The following LRP3 variants were observed in gnomAD, a reference collection of about 807,000 sequenced individuals.
LRP3 encodes low-density lipoprotein receptor-related protein 3.
A neutral mutation model predicts 58.5 loss-of-function variants in LRP3; 49 were observed. That is an observed-to-expected ratio of 0.84 (90% confidence interval 0.67 to 1.06). The LOEUF (loss-of-function observed/expected upper bound fraction) is 1.06, where lower values mean the gene tolerates loss of function less well. Among genes scored for constraint, LRP3 ranks in the 50% least tolerant of loss-of-function variants. LRP3 has a pLI of 0.00. For missense variants in LRP3, 1,019 were observed against 1,134.2 expected, an observed-to-expected ratio of 0.90 and a Z score of 1.46; for synonymous variants, 485 against 492.2, an observed-to-expected ratio of 0.99 and a Z score of 0.20.
At chr19:33,203,078 C>A in intron 3 of LRP3, 92 bp downstream of exon 3, 2 of 1,443,110 alleles carry the variant, frequency 1.4e-6, no homozygotes, top group Non-Finnish European at 1.9e-6. Context: ...GTGTGGAGGG[C>A]ACACGCCTGA....
chr19:33,204,080 T>C (rs998367218), intron 3 of LRP3: 5 of 158,686 alleles, frequency 3.2e-5, no homozygotes, highest in African/African-American at 9.6e-5. Flanking sequence ...GGGTCTATCC[T>C]AGTCTCTGTG....
intron 2 of LRP3, among the ~76,000 whole-genome samples, chr19:33,198,109 A>T (rs950542701): frequency 1.3e-5 from 2 of 152,132 alleles, no homozygotes; most frequent in African/African-American, 2.4e-5. Flanking sequence ...GGAAGGGGGA[A>T]TGAGGGTGTC....
chr19:33,195,754 C>T (rs1157327389), intron 1 of LRP3, among the ~76,000 whole-genome samples: 1 of 152,200 alleles, frequency 6.6e-6, no homozygotes, highest in Non-Finnish European at 1.5e-5. Flanking sequence ...CATTGGGGAG[C>T]ATTGAGGGTG....
intron 5 of LRP3, 92 bp downstream of exon 5, chr19:33,206,454 A>C: frequency 6.3e-7 from 1 of 1,594,846 alleles, no homozygotes; most frequent in Non-Finnish European, 8.5e-7. Flanking sequence ...GGGGGCCTGG[A>C]CTAGCTACAT....
chr19:33,208,785 TTTTC>T lies in LRP3; in HGVS notation c.*1214_*1217del. The T allele has an allele frequency of 6.6e-7, 1 of 1,504,506 alleles. No individual in the cohort carries two copies. 93.2% of individuals were successfully genotyped at this position (1,504,506 alleles called of 1,614,324 possible). On this transcript the variant is annotated 3_prime_UTR_variant, in exon 7 of 7. Coordinates refer to ENST00000253193, the MANE Select transcript of LRP3 (RefSeq NM_002333.4). The surrounding 1 kb of genome is among the most constrained non-coding windows in gnomAD (Gnocchi z 4.7). ...AACAGGCTTCTGAGAGTCGTATCTT[TTTTC>T]TTTTTTTTCCAGAAAAAAACAAAAC...
rs377745474 is a variant in LRP3 at position 33,206,065 on chromosome 19, C to T, written c.1295C>T (p.Thr432Met). The T allele has an allele frequency of 2.1e-4, 330 of 1,605,138 alleles. No individual in the cohort carries two copies. In the Middle Eastern group the frequency reaches 3.1e-3, roughly 15 times the overall value. The part of the protein sequence containing the change: ...PCEGGSGLCY[T>M]PADRCNNQKS... Reference sequence around the variant, plus strand: ...GAGGGTGGCAGTGGTCTGTGCTACACGCCTGCCGACCGCTGCAACAACCAG... The same window carrying T: ...GAGGGTGGCAGTGGTCTGTGCTACATGCCTGCCGACCGCTGCAACAACCAG... The change falls in exon 5 of 7, where the codon ACG (threonine) becomes ATG (methionine). Residue 432 changes from threonine (T) to methionine (M), a missense_variant. Transcript: ENST00000253193.
chr19:33,203,091 G>A, intron 3 of LRP3, 105 bp downstream of exon 3: 3 of 1,330,752 alleles, frequency 2.3e-6, no homozygotes, highest in Non-Finnish European at 3.1e-6. Context: ...ACGCCTGAGG[G>A]TGTACATGTG....
chr19:33,202,812 GAT>G, intron 2 of LRP3, 34 bp from the exon 3 acceptor site: 2 of 1,572,538 alleles, frequency 1.3e-6, no homozygotes, highest in Non-Finnish European at 1.7e-6. Flanking sequence ...CCCAACCAAA[GAT>G]GGGCCGGCCT....
rs558239512 is a variant in LRP3, at chr19:33,205,410, G to A, written c.640G>A (p.Gly214Arg). 2.3e-5 allele frequency: 36 copies of A among 1,592,344 alleles called. No homozygotes were observed. The highest frequency in any genetic ancestry group is 2.4e-5 in the Non-Finnish European group (28 of 1,168,828). Residue 214 changes from glycine (G) to arginine (R), a missense_variant, in exon 5 of 7, where the codon GGG becomes AGG. By Grantham distance (125) the Gly-to-Arg change is moderately radical. This residue lies in a region of LRP3 where 592 missense variants were observed against 725.5 expected (regional missense o/e 0.82). Transcript: ENST00000253193. ...ASEPPGSLCPGGTFPCSGARS... is the reference protein window; with the variant it reads ...ASEPPGSLCPRGTFPCSGARS... Reference sequence around the variant, plus strand: ...CGAGCCTCCAGGCAGCCTGTGCCCCGGGGGGACCTTCCCATGCAGCGGGGC... The same window carrying A: ...CGAGCCTCCAGGCAGCCTGTGCCCCAGGGGGACCTTCCCATGCAGCGGGGC...
chr19:33,197,714 G>A (rs546266015), intron 2 of LRP3, among the ~76,000 whole-genome samples: 10 of 152,290 alleles, frequency 6.6e-5, no homozygotes, highest in Admixed American at 1.3e-4. Context: ...TGCTCTGCTC[G>A]GTGGGGCAGG....
chr19:33,197,053 G>A (rs182678943), intron 2 of LRP3, among the ~76,000 whole-genome samples: 1 of 152,276 alleles, frequency 6.6e-6, no homozygotes, highest in East Asian at 1.9e-4. Flanking sequence ...TGCCTGGCAC[G>A]TGGTGGCTTT....
chr19:33,202,328 T>C (rs1270578977), intron 2 of LRP3, among the ~76,000 whole-genome samples: 1 of 152,194 alleles, frequency 6.6e-6, no homozygotes, highest in Non-Finnish European at 1.5e-5. Flanking sequence ...ATGAGTTCCA[T>C]AGAGCAGGCC....
Position 33,207,514 on chromosome 19 carries a change from C to T in LRP3, c.2252C>T (p.Pro751Leu), listed in dbSNP as rs562721344. 1 of 1,604,674 alleles carries T rather than the reference C, an allele frequency of 6.2e-7. No homozygotes were observed. Among genetic ancestry groups the T allele is most frequent in the Non-Finnish European group, 8.5e-7 (1 of 1,178,836 alleles). ...GAGCCACTGGGGGTCTGCAGGAACCCCCCGCCCCCCTGCTCCCCAATGCTG... is the reference window on the plus strand; with the variant it reads ...GAGCCACTGGGGGTCTGCAGGAACCTCCCGCCCCCCTGCTCCCCAATGCTG... The part of the protein sequence containing the change: ...SPEPLGVCRN[P>L]PPPCSPMLEA... Residue 751 changes from proline (P) to leucine (L), a missense_variant, in exon 7 of 7, where the codon CCC becomes CTC. Transcript: ENST00000253193.
intron 2 of LRP3, among the ~76,000 whole-genome samples, chr19:33,197,674 A>G (rs1599932195): frequency 2.0e-5 from 3 of 152,198 alleles, no homozygotes; most frequent in East Asian, 1.9e-4. Context: ...CGGGAGAACA[A>G]TGGGGGCCTC....
At chr19:33,200,519 C>T (rs1342852152) in intron 2 of LRP3, among the ~76,000 whole-genome samples, 1 of 152,224 alleles carries the variant, frequency 6.6e-6, no homozygotes, top group East Asian at 1.9e-4. Context: ...GTGTGAGCCA[C>T]TGCACCCGGT....
In LRP3 at chr19:33,207,102, C is replaced by A; in HGVS notation, c.1840C>A (p.Arg614=). The A allele has an allele frequency of 6.6e-7, 1 of 1,524,554 alleles. No homozygotes were observed. 94.4% of individuals were successfully genotyped at this position (1,524,554 alleles called of 1,614,324 possible). A position where few individuals can be genotyped will look rare whatever the true frequency, so the allele number is the denominator to read the frequency against. Residue 614 remains arginine (R), a synonymous_variant, in exon 7 of 7, where the codon CGG becomes AGG. Coordinates refer to ENST00000253193, the MANE Select transcript of LRP3 (RefSeq NM_002333.4). ...CCGCCTCTGGAACCGGCTCTTTCAC[C>A]GGCCGCGGGCGCCCCGAGGCCAGAT... ...LGRLWNRLFH[R]PRAPRGQIPL... is the part of the protein sequence containing the mutation.
intron 2 of LRP3, among the ~76,000 whole-genome samples, chr19:33,201,702 C>T (rs893888889): frequency 6.6e-6 from 1 of 152,114 alleles, no homozygotes; most frequent in African/African-American, 2.4e-5. Flanking sequence ...GCCCTGCCTT[C>T]ATCTCAGGCT....
In LRP3 at chr19:33,208,045, G is replaced by T; in HGVS notation, c.*470G>T. On this transcript the variant is annotated 3_prime_UTR_variant, in exon 7 of 7. Coordinates refer to ENST00000253193, the MANE Select transcript of LRP3 (RefSeq NM_002333.4). The surrounding 1 kb of genome is among the most constrained non-coding windows in gnomAD (Gnocchi z 4.7). Reference sequence around the variant, plus strand: ...GCAAGGCCTCTGGAGGACCTGGGTTGGGTGGCTCCTGCCAAACCCTCATGC... The same window carrying T: ...GCAAGGCCTCTGGAGGACCTGGGTTTGGTGGCTCCTGCCAAACCCTCATGC... The T allele has an allele frequency of 5.9e-6, 1 of 170,912 alleles. No individual in the cohort carries two copies. The allele number at this position is 170,912 out of a possible 1,614,324, so 10.6% of individuals were successfully genotyped here. A position where few individuals can be genotyped will look rare whatever the true frequency, so the allele number is the denominator to read the frequency against.
intron 2 of LRP3, 25 bp downstream of exon 2, chr19:33,196,802 C>T (rs759633235): frequency 1.2e-6 from 2 of 1,611,792 alleles, no homozygotes; most frequent in South Asian, 1.1e-5. Context: ...TCTCTCCTTC[C>T]TCCACTCCTT....
Sources: gnomAD v4.1 joint callset for allele counts (sites outside exome capture counted in the v4.1 genomes callset) on GRCh38, gnomAD v4.1.1 for gene constraint, gnomAD v4.1.1 regional missense constraint, Gnocchi (gnomAD v3.1) non-coding constraint, MANE v1.5 for transcripts, NCBI Gene and HGNC (gene_info 2026-07-23, HGNC 2026-07-21) for gene names.